PLEKHB1: variants seen among roughly 807,000 people sequenced by gnomAD.
PLEKHB1 encodes pleckstrin homology domain containing B1.
In PLEKHB1, 29 loss-of-function variants were observed where a neutral mutation model predicts 36.2. The observed-to-expected ratio is 0.80, with a 90% CI of 0.60 to 1.09. The LOEUF (loss-of-function observed/expected upper bound fraction) is 1.09, where lower values mean the gene tolerates loss of function less well. Ranked by LOEUF, PLEKHB1 falls within the 50% of genes least tolerant of loss-of-function variation. PLEKHB1 has a pLI of 0.00. For synonymous variants in PLEKHB1, 138 were observed against 140.0 expected, an observed-to-expected ratio of 0.99 and a Z score of 0.10; for missense variants, 330 against 348.2, an observed-to-expected ratio of 0.95 and a Z score of 0.42.
At position 73,651,742 on chromosome 11, in the gene PLEKHB1, T is replaced by TGGGGCTTGTGCCTGTGGAAACCC. The variant is rs1435248888; in HGVS notation, c.248-45_248-23dup. 1.7e-5 allele frequency: 26 copies of TGGGGCTTGTGCCTGTGGAAACCC among 1,503,522 alleles called. No homozygotes were observed. The African/African-American group carries it at 2.9e-4, about 17-fold the overall frequency. The allele number at this position is 1,503,522 out of a possible 1,614,324, so 93.1% of individuals were successfully genotyped here. A position where few individuals can be genotyped will look rare whatever the true frequency, so the allele number is the denominator to read the frequency against. ...CTGTCCCTGCTTTACTGGGGGGACCTGGGGCTTGTGCCTGTGGAAACCCAT... is the reference window on the plus strand; with the variant it reads ...CTGTCCCTGCTTTACTGGGGGGACCTGGGGCTTGTGCCTGTGGAAACCCGGGGCTTGTGCCTGTGGAAACCCAT... On this transcript the variant is annotated intron_variant, in intron 3 of 7. Coordinates refer to ENST00000354190, the MANE Select transcript of PLEKHB1 (RefSeq NM_021200.3).
Position 73,662,677 on chromosome 11 carries a change from C to T in PLEKHB1, c.*1075C>T, listed in dbSNP as rs1945151186. ...CCCTTTGGTTCCCTTCCAGTCTCTT[C>T]CCCCTTTCTATCCCAATCACCAATA... On this transcript the variant is annotated 3_prime_UTR_variant, in exon 8 of 8. Transcript: ENST00000354190. 1 of 152,348 alleles carries T rather than the reference C, an allele frequency of 6.6e-6. No individual in the cohort carries two copies. The highest frequency in any genetic ancestry group is 2.1e-4 in the South Asian group (1 of 4,826). 9.4% of individuals were successfully genotyped at this position (152,348 alleles called of 1,614,324 possible).
In PLEKHB1 at chr11:73,661,038, T is replaced by C. The variant is rs1945103229; in HGVS notation, c.595+186T>C. On this transcript the variant is annotated intron_variant, in intron 7 of 7. Transcript: ENST00000354190. This position sits in a 1 kb window ranked among gnomAD's most constrained non-coding sequence, Gnocchi z 4.6. Reference sequence around the variant, plus strand: ...GAGAGCTCTGGAACCAGCGTTCGTCTCGAGCTGACCTCACCCTTCTGGGAT... The same window carrying C: ...GAGAGCTCTGGAACCAGCGTTCGTCCCGAGCTGACCTCACCCTTCTGGGAT... 1.5e-6 allele frequency: 1 copy of C among 647,908 alleles called. No homozygotes were observed. Among genetic ancestry groups the C allele is most frequent in the East Asian group, 2.8e-5 (1 of 36,194 alleles). The allele number at this position is 647,908 out of a possible 1,614,324, so 40.1% of individuals were successfully genotyped here.
rs945431058 is a variant in PLEKHB1 at position 73,660,848 on chromosome 11, C to T, written c.591C>T (p.Tyr197=). ...TCCGCAGCTACTACGGACCGCCCTACGCAGGTAAGTCTCCAGCGTGCCCCG... is the reference window on the plus strand; with the variant it reads ...TCCGCAGCTACTACGGACCGCCCTATGCAGGTAAGTCTCCAGCGTGCCCCG... The part of the protein sequence containing the change: ...TYVRSYYGPP[Y]AGPGVTHVIV... Residue 197 remains tyrosine (Y), a synonymous_variant, in exon 7 of 8, where the codon TAC becomes TAT. Transcript: ENST00000354190. The T allele has an allele frequency of 8.2e-6, 13 of 1,584,394 alleles. No homozygotes were observed. In the East Asian group the frequency reaches 3.0e-4, roughly 37 times the overall value.
chr11:73,649,161 T>C (rs1246091332), intron 2 of PLEKHB1, 74 bp downstream of exon 2: 7 of 1,518,386 alleles, frequency 4.6e-6, no homozygotes, highest in Non-Finnish European at 6.2e-6. Flanking sequence ...CGGGGAACAC[T>C]TCTCTCAAGA....
intron 5 of PLEKHB1, chr11:73,653,402 C>G (rs1310007575): frequency 4.1e-6 from 2 of 490,398 alleles, no homozygotes; most frequent in East Asian, 6.0e-5. Flanking sequence ...ATCCGCACAA[C>G]AAATATTTAC....
intron 6 of PLEKHB1, 83 bp downstream of exon 6, chr11:73,655,990 T>C: frequency 8.6e-7 from 1 of 1,161,052 alleles, no homozygotes; most frequent in Non-Finnish European, 1.3e-6. Context: ...ATCCCTTCCC[T>C]GTGACAAACA....
chr11:73,661,652 C>T lies in PLEKHB1; in HGVS notation c.*50C>T, dbSNP rs748058976. On this transcript the variant is annotated 3_prime_UTR_variant, in exon 8 of 8. Coordinates refer to ENST00000354190, the MANE Select transcript of PLEKHB1 (RefSeq NM_021200.3). This position sits in a 1 kb window ranked among gnomAD's most constrained non-coding sequence, Gnocchi z 4.6. ...CCTGCGCTTGGATTGCTAGACTCCT[C>T]TTCCTCCTGGACCCCATCCTCTACC... 1.2e-5 allele frequency: 19 copies of T among 1,525,664 alleles called. No individual in the cohort carries two copies. In the Middle Eastern group the frequency reaches 1.3e-3, roughly 103 times the overall value. 94.5% of individuals were successfully genotyped at this position (1,525,664 alleles called of 1,614,324 possible).
chr11:73,648,639 T>C (rs1944818719), intron 1 of PLEKHB1: 1 of 1,015,150 alleles, frequency 9.9e-7, no homozygotes, highest in Non-Finnish European at 1.2e-6. Context: ...TCAGGCATAT[T>C]CTAATGTTTC....
Position 73,646,612 on chromosome 11 carries a change from A to G in PLEKHB1, c.4A>G (p.Ser2Gly). MSPAAPVPPDSA... is the reference protein window; with the variant it reads MGPAAPVPPDSA... ...CTGCCCTGGCCACCCAGGAACCATG[A>G]GCCCTGCAGCCCCGGTAAGGAAGAG... The change falls in exon 1 of 8, where the codon AGC becomes GGC. Residue 2 changes from serine to glycine, a missense_variant. Coordinates refer to ENST00000354190, the MANE Select transcript of PLEKHB1 (RefSeq NM_021200.3). The G allele has an allele frequency of 6.4e-7, 1 of 1,551,566 alleles. No homozygotes were observed. The highest frequency in any genetic ancestry group is 1.2e-5 in the South Asian group (1 of 84,062).
chr11:73,651,930 GA>G, intron 4 of PLEKHB1, 40 bp downstream of exon 4: 1 of 1,577,594 alleles, frequency 6.3e-7, no homozygotes, highest in Non-Finnish European at 8.7e-7. Flanking sequence ...GAATCTCGGG[GA>G]AAGTTACCAT....
chr11:73,651,598 T>C (rs1052005159), intron 3 of PLEKHB1, 190 bp from the exon 4 acceptor site: 3 of 667,064 alleles, frequency 4.5e-6, no homozygotes, highest in Non-Finnish European at 8.2e-6. Context: ...GAGGGAAGCC[T>C]CAGCATGGAA....
At chr11:73,649,432 C>T (rs751701541) in intron 2 of PLEKHB1, among the ~76,000 whole-genome samples, 6 of 152,152 alleles carry the variant, frequency 3.9e-5, no homozygotes, top group Non-Finnish European at 7.3e-5. Flanking sequence ...AACTGTCTAT[C>T]TGTGGGTATC....
intron 1 of PLEKHB1, 28 bp downstream of exon 1, chr11:73,646,654 G>A (rs1218855246): frequency 1.3e-6 from 2 of 1,551,374 alleles, no homozygotes; most frequent in Non-Finnish European, 1.7e-6. Context: ...GGGACAGGAG[G>A]AAGGGCCCAG....
rs1010691790 is a variant in PLEKHB1 at position 73,652,842 on chromosome 11, G to C, written c.351-133G>C. On this transcript the variant is annotated intron_variant, in intron 4 of 7. Coordinates refer to ENST00000354190, the MANE Select transcript of PLEKHB1 (RefSeq NM_021200.3). ...AGGGGTCACTTTTGTCTTCCTGAGG[G>C]AGACAAGAGATCTCTCCTTTCATGA... The C allele has an allele frequency of 2.7e-5, 19 of 702,982 alleles. No homozygotes were observed. The South Asian group carries it at 3.4e-4, about 12-fold the overall frequency. The allele number at this position is 702,982 out of a possible 1,614,324, so 43.5% of individuals were successfully genotyped here.
At chr11:73,651,956 T>C in intron 4 of PLEKHB1, 66 bp downstream of exon 4, 1 of 1,402,252 alleles carries the variant, frequency 7.1e-7, no homozygotes, top group Non-Finnish European at 9.9e-7. Context: ...CCCCTTCTCA[T>C]TGGGCCTTCT....
chr11:73,649,152 G>A (rs191792118), intron 2 of PLEKHB1, 65 bp downstream of exon 2: 74 of 1,532,894 alleles, frequency 4.8e-5, no homozygotes, highest in African/African-American at 3.7e-4. Context: ...GGCTTGCCAC[G>A]GGGAACACTT....
chr11:73,660,253 C>T lies in PLEKHB1; in HGVS notation c.496-500C>T, dbSNP rs539161740. The T allele has an allele frequency of 3.7e-5, 6 of 160,910 alleles. No individual in the cohort carries two copies. In the South Asian group the frequency reaches 5.1e-4, roughly 14 times the overall value. 10.0% of individuals were successfully genotyped at this position (160,910 alleles called of 1,614,324 possible). A position where few individuals can be genotyped will look rare whatever the true frequency, so the allele number is the denominator to read the frequency against. ...TCACATAACTAAAATTGCCTAAGGA[C>T]GCATTTCTCAGACTGTATCCCTGTT... On this transcript the variant is annotated intron_variant, in intron 6 of 7. Transcript: ENST00000354190.
chr11:73,653,148 G>A lies in PLEKHB1; in HGVS notation c.390+134G>A, dbSNP rs567589722. On this transcript the variant is annotated intron_variant, in intron 5 of 7. Coordinates refer to ENST00000354190, the MANE Select transcript of PLEKHB1 (RefSeq NM_021200.3). ...TAGGTTTCTGCAAACTCTGATGCCTGAGTCCCAAGTGTTCGGGGAAAGGAT... is the reference window on the plus strand; with the variant it reads ...TAGGTTTCTGCAAACTCTGATGCCTAAGTCCCAAGTGTTCGGGGAAAGGAT... The A allele has an allele frequency of 7.2e-5, 66 of 910,402 alleles. No homozygotes were observed. In the South Asian group the frequency reaches 1.1e-3, roughly 15 times the overall value. 56.4% of individuals were successfully genotyped at this position (910,402 alleles called of 1,614,324 possible). A position where few individuals can be genotyped will look rare whatever the true frequency, so the allele number is the denominator to read the frequency against.
intron 6 of PLEKHB1, among the ~76,000 whole-genome samples, chr11:73,657,852 T>C (rs1017917190): frequency 2.0e-5 from 3 of 152,202 alleles, no homozygotes; most frequent in African/African-American, 7.2e-5. Context: ...GGGAGCACCG[T>C]AGAGTTCACT....
Sources: gnomAD v4.1 joint callset for allele counts (sites outside exome capture counted in the v4.1 genomes callset) on GRCh38, gnomAD v4.1.1 for gene constraint, Gnocchi (gnomAD v3.1) non-coding constraint, MANE v1.5 for transcripts, NCBI Gene and HGNC (gene_info 2026-07-23, HGNC 2026-07-21) for gene names.